The following PSD3 variants were observed in gnomAD, a reference collection of about 807,000 sequenced individuals.
PSD3 encodes the protein PH and SEC7 domain-containing protein 3.
Under a neutral mutation model 105.5 loss-of-function variants are expected in PSD3, and 49 were observed. The ratio of observed to expected loss-of-function variants is 0.46; its 90% CI spans 0.37 to 0.59. The LOEUF (loss-of-function observed/expected upper bound fraction) is 0.59, where lower values mean the gene tolerates loss of function less well. PSD3 is among the 20% of genes least tolerant of loss of function. The pLI, the probability that PSD3 is intolerant of heterozygous loss-of-function variation, is 0.00. For missense variants in PSD3, 1,561 were observed against 1,263.8 expected, an observed-to-expected ratio of 1.24 and a Z score of -3.57; for synonymous variants, 557 against 457.8, an observed-to-expected ratio of 1.22 and a Z score of -2.77.
chr8:18,746,439 G>A (rs548251621), intron 9 of PSD3, among the ~76,000 whole-genome samples: 20 of 152,172 alleles, frequency 1.3e-4, no homozygotes, highest in African/African-American at 3.6e-4. Flanking sequence ...CTAAGAGTTC[G>A]GAAACACCAA....
At chr8:18,673,777 C>G (rs1235244801) in intron 9 of PSD3, among the ~76,000 whole-genome samples, 1 of 152,134 alleles carries the variant, frequency 6.6e-6, no homozygotes, top group Non-Finnish European at 1.5e-5. Context: ...TCCCCGTGGG[C>G]CTCGACTGAG....
chr8:18,794,013 G>C (rs1226226660), intron 8 of PSD3, among the ~76,000 whole-genome samples: 1 of 14,962 alleles, frequency 6.7e-5, no homozygotes, highest in African/African-American at 1.3e-4. Flanking sequence ...AGACATAGGA[G>C]ACTCCATTTT....
intron 1 of PSD3, among the ~76,000 whole-genome samples, chr8:19,061,868 CCTT>C (rs965946173): frequency 8.5e-5 from 13 of 152,096 alleles, no homozygotes; most frequent in South Asian, 4.2e-4. Flanking sequence ...AGAATGTTCT[CCTT>C]CTTCTTCTTA....
At chr8:19,053,901 G>C (rs1828616064) in intron 1 of PSD3, among the ~76,000 whole-genome samples, 1 of 152,162 alleles carries the variant, frequency 6.6e-6, no homozygotes. Context: ...TTTGATTTTT[G>C]TTCACCTAAG....
intron 9 of PSD3, among the ~76,000 whole-genome samples, chr8:18,660,463 C>A (rs957102599): frequency 6.6e-6 from 1 of 152,112 alleles, no homozygotes; most frequent in South Asian, 2.1e-4. Context: ...AATACTCTAG[C>A]GTACTAGAGA....
chr8:18,600,103 A>G (rs1424283495), intron 12 of PSD3, among the ~76,000 whole-genome samples: 4 of 152,220 alleles, frequency 2.6e-5, no homozygotes, highest in African/African-American at 9.7e-5. Context: ...TAGGATGGCT[A>G]TGCTGGACAA....
chr8:18,881,226 G>A (rs911741639), intron 2 of PSD3, among the ~76,000 whole-genome samples: 5 of 152,122 alleles, frequency 3.3e-5, no homozygotes, highest in Non-Finnish European at 5.9e-5. Context: ...AAAGAAATGA[G>A]ATACATTTGA....
intron 9 of PSD3, among the ~76,000 whole-genome samples, chr8:18,721,834 T>A (rs964337965): frequency 1.4e-4 from 22 of 152,202 alleles, no homozygotes; most frequent in African/African-American, 5.1e-4. Context: ...AATGTGTTGA[T>A]GTTCAAAATG....
intron 10 of PSD3, among the ~76,000 whole-genome samples, chr8:18,647,152 C>A (rs1355610448): frequency 6.6e-6 from 1 of 152,142 alleles, no homozygotes; most frequent in African/African-American, 2.4e-5. Flanking sequence ...AATCAGCCAA[C>A]AAAGAGGCAG....
intron 12 of PSD3, among the ~76,000 whole-genome samples, chr8:18,580,125 C>T (rs1024102423): frequency 1.3e-5 from 2 of 150,276 alleles, no homozygotes; most frequent in Non-Finnish European, 2.9e-5. Flanking sequence ...CTTTCTAAAA[C>T]TCATTCAGCT....
intron 10 of PSD3, among the ~76,000 whole-genome samples, chr8:18,641,789 A>C (rs546790161): frequency 7.9e-5 from 12 of 152,356 alleles, no homozygotes; most frequent in Admixed American, 1.3e-4. Flanking sequence ...GCAGGAAAAT[A>C]AAGCGAAGAA....
At chr8:18,616,908 C>T (rs997733051) in intron 11 of PSD3, among the ~76,000 whole-genome samples, 1 of 152,060 alleles carries the variant, frequency 6.6e-6, no homozygotes, top group African/African-American at 2.4e-5. Context: ...CAGGCGTGAG[C>T]CACCGCGCCC....
chr8:19,056,225 G>C (rs1828705623), intron 1 of PSD3, among the ~76,000 whole-genome samples: 1 of 152,122 alleles, frequency 6.6e-6, no homozygotes, highest in East Asian at 1.9e-4. Context: ...TTAAAAAATA[G>C]TCCACAAAAG....
At chr8:18,884,454 G>A (rs1228257570) in intron 2 of PSD3, among the ~76,000 whole-genome samples, 10 of 152,064 alleles carry the variant, frequency 6.6e-5, no homozygotes, top group Admixed American at 5.9e-4. Flanking sequence ...TGAGTAATGA[G>A]AATTACTAAA....
chr8:18,665,332 G>T (rs184702908), intron 9 of PSD3, among the ~76,000 whole-genome samples: 1 of 152,194 alleles, frequency 6.6e-6, no homozygotes, highest in Non-Finnish European at 1.5e-5. Flanking sequence ...AATGACTTTG[G>T]GGGGTTTGAG....
At chr8:19,069,027 A>G (rs1023468673) in intron 1 of PSD3, among the ~76,000 whole-genome samples, 1 of 152,234 alleles carries the variant, frequency 6.6e-6, no homozygotes, top group African/African-American at 2.4e-5. Flanking sequence ...CACCCAACTC[A>G]CAGTTCTGAT....
chr8:18,599,947 T>C (rs912036553), intron 12 of PSD3, among the ~76,000 whole-genome samples: 10 of 152,148 alleles, frequency 6.6e-5, no homozygotes, highest in African/African-American at 2.2e-4. Context: ...AATAATAAAA[T>C]AGAACAATGA....
rs891583840 is a variant in PSD3, at chr8:18,531,444, T to C, written c.*4299A>G. Reference sequence around the variant, plus strand: ...TTATGGATGAGAGATGGAAAAGGAATCTGAGAGAAAAATCAGTGACAAAGC... The same window carrying C: ...TTATGGATGAGAGATGGAAAAGGAACCTGAGAGAAAAATCAGTGACAAAGC... On this transcript the variant is annotated 3_prime_UTR_variant, in exon 16 of 16. Coordinates refer to ENST00000327040, the MANE Select transcript of PSD3 (RefSeq NM_015310.4). The C allele has an allele frequency of 4.8e-5, 7 of 144,608 alleles. No individual in the cohort carries two copies. The highest frequency in any genetic ancestry group is 9.2e-5 in the Non-Finnish European group (6 of 65,260). 9.0% of individuals were successfully genotyped at this position (144,608 alleles called of 1,614,324 possible).
intron 2 of PSD3, among the ~76,000 whole-genome samples, chr8:18,916,297 G>GATAT (rs71218908): frequency 1.2e-3 from 39 of 31,268 alleles, no homozygotes; most frequent in Middle Eastern, 0.017. Context: ...TAAAAAAAGT[G>GATAT]ATATATATAT....
Sources: gnomAD v4.1 joint callset for allele counts (sites outside exome capture counted in the v4.1 genomes callset) on GRCh38, gnomAD v4.1.1 for gene constraint, MANE v1.5 for transcripts, NCBI Gene and HGNC (gene_info 2026-07-23, HGNC 2026-07-21) for gene names.